The following VWA3B variants were observed in gnomAD, a reference collection of about 807,000 sequenced individuals.
VWA3B encodes von Willebrand factor A domain-containing protein 3B.
In VWA3B, 138 loss-of-function variants were observed where a neutral mutation model predicts 158.3. The ratio of observed to expected loss-of-function variants is 0.87; its 90% CI spans 0.76 to 1.00. The LOEUF (loss-of-function observed/expected upper bound fraction) is 1.00. VWA3B is among the 50% of genes least tolerant of loss of function. The probability of loss-of-function intolerance (pLI) is 0.00; values close to 1 mark genes in which losing one functional copy is unlikely to be tolerated. For synonymous variants in VWA3B, 596 were observed against 587.3 expected, an observed-to-expected ratio of 1.01 and a Z score of -0.21; for missense variants, 1,555 against 1,565.1, an observed-to-expected ratio of 0.99 and a Z score of 0.11.
intron 20 of VWA3B, among the ~76,000 whole-genome samples, chr2:98,253,791 T>C (rs2105813737): frequency 6.6e-6 from 1 of 152,204 alleles, no homozygotes; most frequent in South Asian, 2.1e-4. Context: ...AATTTCTCTC[T>C]CCTACAAAAA....
chr2:98,211,210 C>T (rs1036875409), intron 12 of VWA3B, among the ~76,000 whole-genome samples: 6 of 152,174 alleles, frequency 3.9e-5, no homozygotes, highest in African/African-American at 1.4e-4. Flanking sequence ...GGTTTTCTTG[C>T]TTACAACTGA....
intron 5 of VWA3B, 25 bp downstream of exon 5, chr2:98,121,483 C>G: frequency 6.2e-7 from 1 of 1,605,304 alleles, no homozygotes; most frequent in Non-Finnish European, 8.5e-7. Flanking sequence ...ATGGCTGGCC[C>G]CAGGCCATGG....
intron 2 of VWA3B, among the ~76,000 whole-genome samples, chr2:98,101,545 C>T (rs1180024514): frequency 1.3e-5 from 2 of 152,150 alleles, no homozygotes; most frequent in Non-Finnish European, 2.9e-5. Flanking sequence ...CCATTAATAC[C>T]ATTTTTTAAC....
At chr2:98,157,506 A>G (rs1365722492) in intron 7 of VWA3B, among the ~76,000 whole-genome samples, 2 of 152,182 alleles carry the variant, frequency 1.3e-5, no homozygotes, top group South Asian at 2.1e-4. Context: ...CATTCCCTTT[A>G]TGGATGCAAT....
intron 7 of VWA3B, among the ~76,000 whole-genome samples, chr2:98,139,482 G>A (rs921760234): frequency 1.3e-5 from 2 of 152,200 alleles, no homozygotes; most frequent in Non-Finnish European, 2.9e-5. Flanking sequence ...TGGTGGGGAC[G>A]TGGAGAACCT....
intron 6 of VWA3B, among the ~76,000 whole-genome samples, chr2:98,131,826 CA>C (rs1357096131): frequency 5.9e-5 from 9 of 152,140 alleles, no homozygotes; most frequent in Non-Finnish European, 8.8e-5. Context: ...GATTGAGATG[CA>C]AATTTTATAG....
intron 10 of VWA3B, among the ~76,000 whole-genome samples, chr2:98,190,339 GT>G: frequency 6.6e-6 from 1 of 152,002 alleles, no homozygotes; most frequent in Non-Finnish European, 1.5e-5. Flanking sequence ...CCTTTCTATT[GT>G]TGTGCACTTC....
intron 9 of VWA3B, among the ~76,000 whole-genome samples, chr2:98,185,603 G>T (rs1680975723): frequency 6.6e-6 from 1 of 152,186 alleles, no homozygotes; most frequent in African/African-American, 2.4e-5. Flanking sequence ...CTCACTCTCT[G>T]CAGGTGAGCT....
intron 2 of VWA3B, among the ~76,000 whole-genome samples, chr2:98,102,348 G>A (rs145658262): frequency 0.017 from 2,506 of 151,868 alleles, 26 homozygotes; most frequent in Non-Finnish European, 0.027. Context: ...CGACAAAACC[G>A]CCATCGTCAT....
chr2:98,289,751 G>A (rs979137164), intron 22 of VWA3B, among the ~76,000 whole-genome samples: 1 of 152,212 alleles, frequency 6.6e-6, no homozygotes, highest in Non-Finnish European at 1.5e-5. Context: ...TTCTAGGAAG[G>A]CAGCAGTGCT....
chr2:98,191,827 C>T (rs1312221363), intron 10 of VWA3B, among the ~76,000 whole-genome samples: 1 of 152,252 alleles, frequency 6.6e-6, no homozygotes, highest in Non-Finnish European at 1.5e-5. Flanking sequence ...TTCTCCTGTG[C>T]AGTAGTGTCC....
intron 23 of VWA3B, among the ~76,000 whole-genome samples, chr2:98,296,290 G>A (rs73961208): frequency 0.014 from 2,185 of 152,350 alleles, 16 homozygotes; most frequent in African/African-American, 0.029. Flanking sequence ...CACACAGTGC[G>A]TGGCAGGAGA....
At chr2:98,280,889 G>A (rs181927321) in intron 22 of VWA3B, among the ~76,000 whole-genome samples, 99 of 152,340 alleles carry the variant, frequency 6.5e-4, no homozygotes, top group East Asian at 1.7e-3. Flanking sequence ...CAGATGTGCC[G>A]TACTTGATAG....
At chr2:98,319,916 A>ACTC in the VWA3B span, among the ~76,000 whole-genome samples, 37 of 147,266 alleles carry the variant, frequency 2.5e-4, no homozygotes, top group Non-Finnish European at 4.6e-4. Context: ...ACACTCACAC[A>ACTC]ACAAAACAAA....
chr2:98,186,767 G>A (rs1217199721), intron 9 of VWA3B, among the ~76,000 whole-genome samples: 11 of 151,794 alleles, frequency 7.2e-5, no homozygotes, highest in East Asian at 1.9e-4. Flanking sequence ...CTTGGTCCTC[G>A]GCCGTCCAGT....
chr2:98,312,016 C>CA lies in VWA3B; in HGVS notation c.3720dup (p.His1241ThrfsTer52), dbSNP rs1238702862. On this transcript the variant is annotated frameshift_variant, in exon 27 of 28. Transcript: ENST00000477737. LOFTEE classifies it low-confidence loss of function (END_TRUNC). ...AGCTCCCATGGGTCCTGCCAGGGGACACACCCCGAGCCCAGGGTTTGGGTG... is the reference window on the plus strand; with the variant it reads ...AGCTCCCATGGGTCCTGCCAGGGGACAACACCCCGAGCCCAGGGTTTGGGTG... The CA allele has an allele frequency of 2.5e-6, 4 of 1,599,200 alleles. No individual in the cohort carries two copies. Among genetic ancestry groups the CA allele is most frequent in the African/African-American group, 1.3e-5 (1 of 74,570 alleles).
At chr2:98,320,178 T>G in the VWA3B span, among the ~76,000 whole-genome samples, 1 of 152,164 alleles carries the variant, frequency 6.6e-6, no homozygotes, top group South Asian at 2.1e-4. Flanking sequence ...GATGGTTTCA[T>G]GAAGGGGCAG....
At chr2:98,329,332 T>A in the VWA3B span, among the ~76,000 whole-genome samples, 3 of 152,218 alleles carry the variant, frequency 2.0e-5, no homozygotes, top group African/African-American at 7.2e-5. Flanking sequence ...AAAAAATTGA[T>A]GTTTGTCTCC....
chr2:98,114,996 G>C (rs532847589), intron 2 of VWA3B, among the ~76,000 whole-genome samples: 104 of 152,114 alleles, frequency 6.8e-4, no homozygotes, highest in African/African-American at 2.3e-3. Context: ...CTTTATTTCA[G>C]TGATTTAATT....
Sources: gnomAD v4.1 joint callset for allele counts (sites outside exome capture counted in the v4.1 genomes callset) on GRCh38, gnomAD v4.1.1 for gene constraint, MANE v1.5 for transcripts, NCBI Gene and HGNC (gene_info 2026-07-23, HGNC 2026-07-21) for gene names.